The following LINGO2 variants were observed in gnomAD, a reference collection of about 807,000 sequenced individuals.
The protein encoded by LINGO2 is leucine rich repeat and Ig domain containing 2, also known as leucine-rich repeat and immunoglobulin-like domain-containing nogo receptor-interacting protein 2.
Under a neutral mutation model 30.6 loss-of-function variants are expected in LINGO2, and 14 were observed. The observed-to-expected ratio is 0.46, with a 90% CI of 0.30 to 0.72. The LOEUF (loss-of-function observed/expected upper bound fraction) is 0.72, where lower values mean the gene tolerates loss of function less well. Ranked by LOEUF, LINGO2 falls within the 30% of genes least tolerant of loss-of-function variation. LINGO2 has a pLI of 0.07. For synonymous variants in LINGO2, 317 were observed against 288.5 expected, an observed-to-expected ratio of 1.10 and a Z score of -1.00; for missense variants, 729 against 751.7, an observed-to-expected ratio of 0.97 and a Z score of 0.35.
At chr9:29,079,608 T>C in the LINGO2 span, among the ~76,000 whole-genome samples, 1 of 150,624 alleles carries the variant, frequency 6.6e-6, no homozygotes, top group Non-Finnish European at 1.5e-5. Context: ...ATTTTCAAAA[T>C]TATGGCCATA....
At chr9:28,377,173 A>T (rs974663740) in intron 2 of LINGO2, among the ~76,000 whole-genome samples, 1 of 152,114 alleles carries the variant, frequency 6.6e-6, no homozygotes. Flanking sequence ...TAAAAATTAT[A>T]TAAGTATGCC....
chr9:28,013,110 A>C (rs1165486217), intron 4 of LINGO2, among the ~76,000 whole-genome samples: 1 of 152,224 alleles, frequency 6.6e-6, no homozygotes, highest in African/African-American at 2.4e-5. Flanking sequence ...ATGTTTTAGC[A>C]TAGGGTACCC....
At chr9:28,633,486 G>T (rs995977428) in intron 1 of LINGO2, among the ~76,000 whole-genome samples, 2 of 152,118 alleles carry the variant, frequency 1.3e-5, no homozygotes, top group African/African-American at 2.4e-5. Context: ...ACATAAAAGA[G>T]ACATTAATAA....
At chr9:28,702,863 T>C in the LINGO2 span, among the ~76,000 whole-genome samples, 2 of 151,976 alleles carry the variant, frequency 1.3e-5, no homozygotes, top group Admixed American at 6.6e-5. Flanking sequence ...CACTATTTCA[T>C]CTCGGTTTTC....
intron 1 of LINGO2, among the ~76,000 whole-genome samples, chr9:28,629,921 C>T (rs185600692): frequency 6.7e-6 from 1 of 148,792 alleles, no homozygotes; most frequent in Non-Finnish European, 1.5e-5. Context: ...ATCCCTCCCC[C>T]ATCCCCCGAC....
At chr9:28,331,426 T>C (rs977177726) in intron 3 of LINGO2, among the ~76,000 whole-genome samples, 3 of 152,180 alleles carry the variant, frequency 2.0e-5, no homozygotes, top group Non-Finnish European at 4.4e-5. Flanking sequence ...CCCTAAGATA[T>C]GCAAAGTAAA....
At chr9:28,429,978 G>A (rs940736555) in intron 2 of LINGO2, among the ~76,000 whole-genome samples, 1 of 152,134 alleles carries the variant, frequency 6.6e-6, no homozygotes, top group Admixed American at 6.5e-5. Context: ...AATTAGTTAT[G>A]TCTTCAGATT....
intron 4 of LINGO2, among the ~76,000 whole-genome samples, chr9:28,079,908 T>A (rs994585745): frequency 6.6e-6 from 1 of 152,234 alleles, no homozygotes; most frequent in Non-Finnish European, 1.5e-5. Flanking sequence ...TTATGCGACA[T>A]CTCAGTAAAT....
At chr9:27,989,440 G>GCT (rs146313853) in intron 5 of LINGO2, among the ~76,000 whole-genome samples, 31,147 of 137,218 alleles carry the variant, frequency 0.23, 3,340 homozygotes, top group Admixed American at 0.26. Flanking sequence ...CAGAGTGAAT[G>GCT]CTCTCTGTGT....
intron 4 of LINGO2, among the ~76,000 whole-genome samples, chr9:28,225,740 T>G (rs867191209): frequency 6.6e-6 from 1 of 152,040 alleles, no homozygotes; most frequent in Non-Finnish European, 1.5e-5. Flanking sequence ...TCATGAAAAT[T>G]ATAAAGCTGA....
the LINGO2 span, among the ~76,000 whole-genome samples, chr9:28,799,717 G>T: frequency 3.3e-5 from 5 of 152,204 alleles, no homozygotes; most frequent in Admixed American, 2.0e-4. Flanking sequence ...ATGTCACAGA[G>T]TTGTTATGAG....
intron 4 of LINGO2, among the ~76,000 whole-genome samples, chr9:28,237,816 T>C (rs374701386): frequency 5.9e-5 from 9 of 152,194 alleles, no homozygotes; most frequent in African/African-American, 1.4e-4. Flanking sequence ...ATTGTGCCAC[T>C]GCACTCCAGC....
chr9:28,528,816 A>T (rs1331224405), intron 1 of LINGO2, among the ~76,000 whole-genome samples: 1 of 152,056 alleles, frequency 6.6e-6, no homozygotes, highest in East Asian at 1.9e-4. Flanking sequence ...ATATACACAT[A>T]TATGTATGTG....
chr9:28,439,864 G>T (rs532358771), intron 2 of LINGO2, among the ~76,000 whole-genome samples: 1 of 152,166 alleles, frequency 6.6e-6, no homozygotes, highest in African/African-American at 2.4e-5. Context: ...AAGGTCTGTC[G>T]TATGATTCAC....
At chr9:28,044,422 C>T (rs1349151976) in intron 4 of LINGO2, among the ~76,000 whole-genome samples, 1 of 152,114 alleles carries the variant, frequency 6.6e-6, no homozygotes, top group East Asian at 1.9e-4. Flanking sequence ...TGGGGGCTGC[C>T]CCATGCATCA....
rs996675436 is a variant in LINGO2 at position 27,998,801 on chromosome 9, C to G, written c.-36+13554G>C. On this transcript the variant is annotated intron_variant, in intron 5 of 5. Transcript: ENST00000379992. ...GGGAGACTGTCTCAAAAAAACAGAA[C>G]AAAACAAAACAGAATTCGAGTAAGA... 2.0e-5 allele frequency among the ~76,000 whole-genome samples: 3 copies of G among 152,128 alleles called. No individual in the cohort carries two copies. The East Asian group carries it at 5.8e-4, about 30-fold the overall frequency.
At chr9:28,734,085 T>C in the LINGO2 span, among the ~76,000 whole-genome samples, 340 of 152,184 alleles carry the variant, frequency 2.2e-3, no homozygotes, top group African/African-American at 7.9e-3. Flanking sequence ...TATATATATA[T>C]ACCTATAATA....
intron 1 of LINGO2, among the ~76,000 whole-genome samples, chr9:28,575,967 C>A (rs1286405408): frequency 2.0e-5 from 3 of 151,872 alleles, no homozygotes; most frequent in African/African-American, 4.8e-5. Flanking sequence ...TATCCCCCCA[C>A]ACAGGGACAG....
At chr9:28,991,995 A>G in the LINGO2 span, among the ~76,000 whole-genome samples, 2 of 152,164 alleles carry the variant, frequency 1.3e-5, no homozygotes, top group Non-Finnish European at 2.9e-5. Flanking sequence ...ATAATGACAG[A>G]AACAAATTCA....
Sources: gnomAD v4.1 joint callset for allele counts (sites outside exome capture counted in the v4.1 genomes callset) on GRCh38, gnomAD v4.1.1 for gene constraint, MANE v1.5 for transcripts, NCBI Gene and HGNC (gene_info 2026-07-23, HGNC 2026-07-21) for gene names.